The following NDRG4 variants were observed in gnomAD, a reference collection of about 807,000 sequenced individuals.
NDRG4 encodes the protein protein NDRG4.
A neutral mutation model predicts 55.8 loss-of-function variants in NDRG4; 38 were observed. That is an observed-to-expected ratio of 0.68 (90% confidence interval 0.53 to 0.89). The LOEUF is 0.89. NDRG4 is among the 40% of genes least tolerant of loss of function. The pLI is 0.00. For synonymous variants in NDRG4, 190 were observed against 182.7 expected (o/e 1.04, Z -0.32); for missense variants, 455 against 468.6 (o/e 0.97, Z 0.27).
At chr16:58,501,075 C>T in intron 1 of NDRG4, 1 of 1,235,662 alleles carries the variant, frequency 8.1e-7, no homozygotes, top group Non-Finnish European at 1.0e-6. Flanking sequence ...GCCGGGGCAT[C>T]AGGTACCCCG....
intron 10 of NDRG4, among the ~76,000 whole-genome samples, chr16:58,508,279 T>G (rs2038315685): frequency 6.6e-6 from 1 of 152,198 alleles, no homozygotes; most frequent in Admixed American, 6.5e-5. Context: ...CAGCCCCAAC[T>G]TGGTCCCTAC....
intron 2 of NDRG4, chr16:58,487,889 C>A (rs1597169005): frequency 1.4e-6 from 2 of 1,439,452 alleles, no homozygotes; most frequent in Admixed American, 2.3e-5. Context: ...TAGGGCCGAG[C>A]GCGCCACCTC....
intron 1 of NDRG4, among the ~76,000 whole-genome samples, chr16:58,483,926 G>A (rs1023103003): frequency 6.6e-6 from 1 of 151,998 alleles, no homozygotes; most frequent in Admixed American, 6.6e-5. Flanking sequence ...AAAAATAGTC[G>A]GGCTCTGGTG....
intron 2 of NDRG4, among the ~76,000 whole-genome samples, chr16:58,490,717 C>CT (rs1053482430): frequency 1.4e-4 from 21 of 152,250 alleles, no homozygotes; most frequent in African/African-American, 5.1e-4. Flanking sequence ...TGGCTCACGC[C>CT]TGTAATCCCA....
intron 1 of NDRG4, among the ~76,000 whole-genome samples, chr16:58,467,804 C>T (rs980566563): frequency 1.3e-5 from 2 of 152,190 alleles, no homozygotes; most frequent in Non-Finnish European, 2.9e-5. Context: ...GTGTGCAAGA[C>T]GTCGAGTGCA....
intron 2 of NDRG4, 71 bp downstream of exon 2, chr16:58,503,974 T>TC (rs1467547983): frequency 1.4e-6 from 2 of 1,463,872 alleles, no homozygotes; most frequent in African/African-American, 2.8e-5. Context: ...CCCCCCACCC[T>TC]CCCCACAGGG....
intron 1 of NDRG4, chr16:58,487,693 G>T (rs2151681467): frequency 7.5e-7 from 1 of 1,338,380 alleles, no homozygotes; most frequent in East Asian, 2.6e-5. Context: ...CCCGACTTGC[G>T]CTGTCCTTCT....
intron 1 of NDRG4, among the ~76,000 whole-genome samples, chr16:58,480,715 A>ACT: frequency 6.6e-6 from 1 of 152,298 alleles, no homozygotes; most frequent in Non-Finnish European, 1.5e-5. Flanking sequence ...GGGTTGGACA[A>ACT]ATGAACAAGA....
At chr16:58,497,141 G>A (rs2036499630), upstream of NDRG4, 1 of 152,138 alleles carries the variant, frequency 6.6e-6, no homozygotes, top group South Asian at 2.1e-4. Context: ...TGCCAATATA[G>A]TGAAACCCCA....
At chr16:58,475,451 G>A (rs1458728199) in intron 1 of NDRG4, among the ~76,000 whole-genome samples, 2 of 152,154 alleles carry the variant, frequency 1.3e-5, no homozygotes, top group Non-Finnish European at 2.9e-5. Context: ...TTTTTCTCTG[G>A]GAAAGCCCCA....
At chr16:58,494,871 C>T in intron 2 of NDRG4, 12 of 954,518 alleles carry the variant, frequency 1.3e-5, no homozygotes, top group Non-Finnish European at 1.8e-5. Flanking sequence ...AAAAGACAGA[C>T]TAGGGGACAG....
chr16:58,491,942 T>C (rs1209369205), intron 2 of NDRG4, among the ~76,000 whole-genome samples: 2 of 152,028 alleles, frequency 1.3e-5, no homozygotes, highest in African/African-American at 4.8e-5. Context: ...CCACCATGCC[T>C]GTCTCATTTT....
intron 2 of NDRG4, among the ~76,000 whole-genome samples, chr16:58,488,994 G>A (rs2035458907): frequency 6.6e-6 from 1 of 151,698 alleles, no homozygotes; most frequent in African/African-American, 2.4e-5. Flanking sequence ...CCTTCGCTCT[G>A]TACCCTTTTA....
chr16:58,508,053 AC>A, intron 10 of NDRG4, 54 bp downstream of exon 10: 1 of 1,456,672 alleles, frequency 6.9e-7, no homozygotes, highest in Non-Finnish European at 9.3e-7. Flanking sequence ...TGAGGGGCTC[AC>A]TGGCCCCTGC....
At chr16:58,489,090 G>A (rs948507665) in intron 2 of NDRG4, among the ~76,000 whole-genome samples, 3 of 152,096 alleles carry the variant, frequency 2.0e-5, no homozygotes, top group Non-Finnish European at 2.9e-5. Flanking sequence ...CCTGAGGTCA[G>A]CAGTTTGAGA....
At chr16:58,494,924 AG>A in intron 2 of NDRG4, 1 of 1,607,188 alleles carries the variant, frequency 6.2e-7, no homozygotes, top group Non-Finnish European at 8.5e-7. Context: ...CAGACCAGCC[AG>A]GGCCTAACTT....
rs1386624940 is a variant in NDRG4 at position 58,501,678 on chromosome 16, G to A, written c.21+1409G>A. 3.8e-5 allele frequency: 10 copies of A among 265,428 alleles called. No individual in the cohort carries two copies. The East Asian group carries it at 6.4e-4, about 17-fold the overall frequency. The allele number at this position is 265,428 out of a possible 1,614,324, so 16.4% of individuals were successfully genotyped here. A position where few individuals can be genotyped will look rare whatever the true frequency, so the allele number is the denominator to read the frequency against. On this transcript the variant is annotated intron_variant, in intron 1 of 14. Coordinates refer to ENST00000570248, the MANE Select transcript of NDRG4 (RefSeq NM_001242835.2). ...GAAGGTCACTGGACTTCGTAGGACAGGTAGCCCGGTGACGCCCAGGCCCAG... is the reference window on the plus strand; with the variant it reads ...GAAGGTCACTGGACTTCGTAGGACAAGTAGCCCGGTGACGCCCAGGCCCAG...
At chr16:58,507,379 G>A in intron 8 of NDRG4, 1 of 376,314 alleles carries the variant, frequency 2.7e-6, no homozygotes, top group Non-Finnish European at 4.9e-6. Context: ...GCTCCTTGGA[G>A]CCCCCTTTAG....
At chr16:58,477,700 T>G (rs2033857576) in intron 1 of NDRG4, among the ~76,000 whole-genome samples, 1 of 145,160 alleles carries the variant, frequency 6.9e-6, no homozygotes, top group Admixed American at 7.0e-5. Flanking sequence ...AAAAGAAAAT[T>G]ATCATTAGGC....
Sources: gnomAD v4.1 joint callset for allele counts (sites outside exome capture counted in the v4.1 genomes callset) on GRCh38, gnomAD v4.1.1 for gene constraint, MANE v1.5 for transcripts, NCBI Gene and HGNC (gene_info 2026-07-23, HGNC 2026-07-21) for gene names.